BRAT1: variants seen among roughly 807,000 people sequenced by gnomAD.
BRAT1 encodes integrator complex assembly factor BRAT1.
BRAT1 carries 74 observed loss-of-function variants against 70.6 expected under a neutral mutation model. The observed-to-expected ratio is 1.05, with a 90% CI of 0.87 to 1.27. The LOEUF is 1.27. BRAT1 is among the 50% of genes most tolerant of loss of function. BRAT1 has a pLI of 0.00. For synonymous variants in BRAT1, 615 were observed against 517.1 expected (o/e 1.19, Z -2.57); for missense variants, 1,203 against 1,098.2 (o/e 1.10, Z -1.35).
chr7:2,541,520 C>G (rs1480220061), intron 8 of BRAT1, 36 bp from the exon 9 acceptor site: 1 of 1,509,978 alleles, frequency 6.6e-7, no homozygotes, highest in African/African-American at 1.4e-5. Flanking sequence ...AGGTTGCGGT[C>G]CCACTGCCGG....
chr7:2,549,348 G>GC (rs1406557583), intron 2 of BRAT1, among the ~76,000 whole-genome samples: 14 of 151,890 alleles, frequency 9.2e-5, no homozygotes, highest in Non-Finnish European at 1.8e-4. Flanking sequence ...ATGGTGGCGC[G>GC]CATCTATAGT....
rs1554296640 is a variant in BRAT1, at chr7:2,545,496, C to CTTCTTT, written c.283-441_283-440insAAAGAA. On this transcript the variant is annotated intron_variant, in intron 3 of 13. Transcript: ENST00000340611. ...TACTTCTGGAGGACACTTTCTTCTT[C>CTTCTTT]TTTTTTTTTTTTTTGAGACAGTCCC... is the stretch of plus-strand genomic sequence containing the variant. Among the ~76,000 whole-genome samples, 11 of 130,008 alleles carry CTTCTTT rather than the reference C, an allele frequency of 8.5e-5. No homozygotes were observed. In the South Asian group the frequency reaches 1.0e-3, roughly 12 times the overall value. The allele number at this position is 130,008 out of a possible 152,430, so 85.3% of individuals were successfully genotyped here. A position where few individuals can be genotyped will look rare whatever the true frequency, so the allele number is the denominator to read the frequency against.
chr7:2,541,451 G>C lies in BRAT1; in HGVS notation c.1168C>G (p.Leu390Val). ...QRPSPWPQAS[L>V]LGATVTVLRL... ...AGGACAGTCACTGTAGCCCCCAGTA[G>C]AGACGCCTGGGGCCACGGTGAAGGG... Residue 390 changes from leucine (L) to valine (V), a missense_variant, in exon 9 of 14, where the codon CTA becomes GTA. Physicochemically the swap from Leu to Val is conservative, Grantham distance 32 (BLOSUM62 1). Transcript: ENST00000340611. 1 of 1,565,246 alleles carries C rather than the reference G, an allele frequency of 6.4e-7. No individual in the cohort carries two copies. The highest frequency in any genetic ancestry group is 8.7e-7 in the Non-Finnish European group (1 of 1,156,068).
chr7:2,554,506 G>C, intron 1 of BRAT1, 59 bp from the exon 2 acceptor site: 1 of 1,528,846 alleles, frequency 6.5e-7, no homozygotes, highest in Non-Finnish European at 8.8e-7. Flanking sequence ...GCTCGCTCTA[G>C]TCACAGCAGC....
chr7:2,542,127 T>G lies in BRAT1; in HGVS notation c.1008A>C (p.Gly336=), dbSNP rs1169218827. Residue 336 remains glycine, a synonymous_variant, in exon 7 of 14, where the codon GGA becomes GGC. Transcript: ENST00000340611. ...CVLKATVQAP[G]PPGLLDGTAD... ...CCTTTCTAAGCAGCACACCTGGGGGTCCGGGGGCCTGAACCGTGGCCTTCA... is the reference window on the plus strand; with the variant it reads ...CCTTTCTAAGCAGCACACCTGGGGGGCCGGGGGCCTGAACCGTGGCCTTCA... 1 of 1,548,294 alleles carries G rather than the reference T, an allele frequency of 6.5e-7. No homozygotes were observed. Among genetic ancestry groups the G allele is most frequent in the Admixed American group, 2.0e-5 (1 of 49,848 alleles).
At chr7:2,551,261 CTA>C (rs897154463) in intron 2 of BRAT1, among the ~76,000 whole-genome samples, 2 of 147,930 alleles carry the variant, frequency 1.4e-5, no homozygotes, top group Admixed American at 6.8e-5. Flanking sequence ...AAATCTATAT[CTA>C]TATATATATC....
At chr7:2,554,577 C>T (rs2128416070) in intron 1 of BRAT1, 130 bp from the exon 2 acceptor site, 1 of 1,140,352 alleles carries the variant, frequency 8.8e-7, no homozygotes, top group East Asian at 2.7e-5. Context: ...ACCAGGAGAA[C>T]CATGATCCCC....
intron 2 of BRAT1, among the ~76,000 whole-genome samples, chr7:2,551,733 T>C (rs1212556273): frequency 6.6e-6 from 1 of 150,994 alleles, no homozygotes; most frequent in Non-Finnish European, 1.5e-5. Flanking sequence ...AGGCCACAGT[T>C]GAAGACCTTC....
chr7:2,544,838 G>A, intron 4 of BRAT1, 71 bp downstream of exon 4: 1 of 1,524,336 alleles, frequency 6.6e-7, no homozygotes, highest in African/African-American at 1.4e-5. Context: ...CTCAGATTCA[G>A]CAAGGTGCAG....
rs1779345735 is a variant in BRAT1, at chr7:2,543,523, C to G, written c.803+67G>C. On this transcript the variant is annotated intron_variant, in intron 5 of 13. Coordinates refer to ENST00000340611, the MANE Select transcript of BRAT1 (RefSeq NM_152743.4). The surrounding 1 kb of genome is among the most constrained non-coding windows in gnomAD (Gnocchi z 5.5). Reference sequence around the variant, plus strand: ...GAGTCTCCGGCTGCCAGTGGGACATCCCTGGGCGTTATCCGAGGAAAACAG... The same window carrying G: ...GAGTCTCCGGCTGCCAGTGGGACATGCCTGGGCGTTATCCGAGGAAAACAG... 4.0e-6 allele frequency: 6 copies of G among 1,495,142 alleles called. No homozygotes were observed. Among genetic ancestry groups the G allele is most frequent in the Non-Finnish European group, 5.3e-6 (6 of 1,124,872 alleles). The allele number at this position is 1,495,142 out of a possible 1,614,324, so 92.6% of individuals were successfully genotyped here. A position where few individuals can be genotyped will look rare whatever the true frequency, so the allele number is the denominator to read the frequency against.
chr7:2,538,992 C>T, intron 13 of BRAT1, 187 bp downstream of exon 13: 1 of 1,437,662 alleles, frequency 7.0e-7, no homozygotes. Flanking sequence ...GCTGGGGAGA[C>T]AGAAGGCGAA....
chr7:2,555,450 A>G (rs1463901445), intron 1 of BRAT1, 37 bp downstream of exon 1: 8 of 151,832 alleles, frequency 5.3e-5, no homozygotes, highest in African/African-American at 1.7e-4. Context: ...GCGCCCCACT[A>G]CCACGACCTC....
chr7:2,539,943 T>A, intron 10 of BRAT1, 55 bp from the exon 11 acceptor site: 2 of 1,291,374 alleles, frequency 1.5e-6, no homozygotes, highest in Non-Finnish European at 2.1e-6. Context: ...GCAGGCTGTC[T>A]GTCTGTCCCC....
At position 2,537,968 on chromosome 7, in the gene BRAT1, C is replaced by T; in HGVS notation, c.*101G>A. 2 of 1,403,530 alleles carry T rather than the reference C, an allele frequency of 1.4e-6. No homozygotes were observed. Among genetic ancestry groups the T allele is most frequent in the Non-Finnish European group, 1.9e-6 (2 of 1,079,642 alleles). The allele number at this position is 1,403,530 out of a possible 1,614,324, so 86.9% of individuals were successfully genotyped here. On this transcript the variant is annotated 3_prime_UTR_variant, in exon 14 of 14. Transcript: ENST00000340611. Reference sequence around the variant, plus strand: ...CCTGGTCCTGGCTTCCCCAGAGGATCCACCGGGCTGGGCTGGAGCCCTGGG... The same window carrying T: ...CCTGGTCCTGGCTTCCCCAGAGGATTCACCGGGCTGGGCTGGAGCCCTGGG...
intron 9 of BRAT1, 64 bp from the exon 10 acceptor site, chr7:2,541,116 T>C (rs1583300644): frequency 2.6e-6 from 3 of 1,142,614 alleles, no homozygotes; most frequent in Non-Finnish European, 3.4e-6. Context: ...CCATCAACTC[T>C]GGGAAGGAGC....
chr7:2,548,279 G>A (rs1779761719), intron 2 of BRAT1, among the ~76,000 whole-genome samples: 1 of 152,080 alleles, frequency 6.6e-6, no homozygotes, highest in African/African-American at 2.4e-5. Flanking sequence ...GACATTTTGA[G>A]GCAAAGGTTG....
At chr7:2,544,826 C>CG (rs1779477245) in intron 4 of BRAT1, 83 bp downstream of exon 4, 1 of 1,511,516 alleles carries the variant, frequency 6.6e-7, no homozygotes, top group East Asian at 2.5e-5. Flanking sequence ...ACAGACCAGA[C>CG]ACTCAGATTC....
At chr7:2,546,627 C>T (rs951993377) in intron 3 of BRAT1, among the ~76,000 whole-genome samples, 3 of 151,692 alleles carry the variant, frequency 2.0e-5, no homozygotes, top group Non-Finnish European at 4.4e-5. Flanking sequence ...CCCAGATACT[C>T]GGGAGGCTGA....
In BRAT1 at chr7:2,540,978, C is replaced by T; in HGVS notation, c.1395+1G>A. ...CTCGCTCTCTATCCCCACCACCGTA[C>T]CGTGGGGCTGGAGCCGGGGCTCTCG... is the stretch of plus-strand genomic sequence containing the variant. On this transcript the variant is annotated splice_donor_variant, in intron 10 of 13. Transcript: ENST00000340611. LOFTEE classifies it high-confidence loss of function. The T allele has an allele frequency of 1.3e-6, 2 of 1,548,090 alleles. No individual in the cohort carries two copies. The highest frequency in any genetic ancestry group is 1.7e-6 in the Non-Finnish European group (2 of 1,159,086).
Sources: gnomAD v4.1 joint callset for allele counts (sites outside exome capture counted in the v4.1 genomes callset) on GRCh38, gnomAD v4.1.1 for gene constraint, Gnocchi (gnomAD v3.1) non-coding constraint, MANE v1.5 for transcripts, NCBI Gene and HGNC (gene_info 2026-07-23, HGNC 2026-07-21) for gene names.